The following MED13L variants were observed in gnomAD, a reference collection of about 807,000 sequenced individuals.
MED13L encodes mediator complex subunit 13L, also known as mediator of RNA polymerase II transcription subunit 13-like.
A neutral mutation model predicts 220.9 loss-of-function variants in MED13L; 7 were observed. The ratio of observed to expected loss-of-function variants is 0.03; its 90% CI spans 0.02 to 0.06. The LOEUF (loss-of-function observed/expected upper bound fraction) is 0.06. MED13L is among the 10% of genes least tolerant of loss of function. The pLI is 1.00. For missense variants in MED13L, 1,965 were observed against 2,760.5 expected (o/e 0.71, Z 6.46); for synonymous variants, 1,011 against 1,015.2 (o/e 1.00, Z 0.08).
rs567189858 is a variant in MED13L, at chr12:116,176,024, G to A, written c.310+61444C>T. Reference sequence around the variant, plus strand: ...AGTCTCGATCCCAGACAGGCAACCAGGGAAGCTATGGGAGTGGAAGAGACC... The same window carrying A: ...AGTCTCGATCCCAGACAGGCAACCAAGGAAGCTATGGGAGTGGAAGAGACC... On this transcript the variant is annotated intron_variant, in intron 2 of 30. Coordinates refer to ENST00000281928, the MANE Select transcript of MED13L (RefSeq NM_015335.5). Among the ~76,000 whole-genome samples the A allele has an allele frequency of 7.9e-4, 121 of 152,258 alleles. No homozygotes were observed. The South Asian group carries it at 0.015, about 19-fold the overall frequency.
chr12:116,122,575 A>G (rs762846738), intron 2 of MED13L, among the ~76,000 whole-genome samples: 2 of 152,222 alleles, frequency 1.3e-5, no homozygotes, highest in Non-Finnish European at 2.9e-5. Flanking sequence ...CATCAAACAA[A>G]TAAGAATCAT....
chr12:116,276,237 CAGAA>C (rs1193901990), intron 1 of MED13L, among the ~76,000 whole-genome samples: 52 of 150,668 alleles, frequency 3.5e-4, no homozygotes, highest in Admixed American at 3.4e-3. Flanking sequence ...TGTCAATTAT[CAGAA>C]AGAGAGAGCG....
intron 2 of MED13L, among the ~76,000 whole-genome samples, chr12:116,207,539 A>G (rs1253201341): frequency 6.6e-6 from 1 of 152,224 alleles, no homozygotes; most frequent in African/African-American, 2.4e-5. Context: ...TCAATAACAG[A>G]CAACAACAAA....
chr12:116,059,013 T>C (rs917320601), intron 4 of MED13L, among the ~76,000 whole-genome samples: 4 of 152,246 alleles, frequency 2.6e-5, no homozygotes, highest in Non-Finnish European at 4.4e-5. Flanking sequence ...CATTGATATG[T>C]AATAGATTTA....
chr12:116,138,843 T>G (rs1235230632), intron 2 of MED13L, among the ~76,000 whole-genome samples: 2 of 152,228 alleles, frequency 1.3e-5, no homozygotes, highest in Non-Finnish European at 2.9e-5. Context: ...AACTAAAATC[T>G]CTGACTTGGG....
chr12:116,233,998 T>C (rs79613837), intron 2 of MED13L, among the ~76,000 whole-genome samples: 3,079 of 152,340 alleles, frequency 0.02, 60 homozygotes, highest in Middle Eastern at 0.054. Flanking sequence ...TCTCATTTTA[T>C]GGGATACTTT....
chr12:116,255,039 C>T (rs976178569), intron 1 of MED13L, among the ~76,000 whole-genome samples: 24 of 152,158 alleles, frequency 1.6e-4, no homozygotes, highest in Middle Eastern at 3.4e-3. Flanking sequence ...TTAATTGACA[C>T]GCTGATCCTA....
chr12:115,995,860 G>C (rs1335080031), intron 16 of MED13L, among the ~76,000 whole-genome samples: 1 of 152,188 alleles, frequency 6.6e-6, no homozygotes, highest in Admixed American at 6.5e-5. Context: ...GTAAAAAACA[G>C]ATCGGTTGTA....
At position 116,031,674 on chromosome 12, in the gene MED13L, A is replaced by AG. The variant is rs1491193949; in HGVS notation, c.480-9074_480-9073insC. Among the ~76,000 whole-genome samples the AG allele has an allele frequency of 1.5e-4, 15 of 97,500 alleles. 2 individuals carry two copies. Among genetic ancestry groups the AG allele is most frequent in the Middle Eastern group, 5.1e-3 (1 of 198 alleles). 64.0% of individuals were successfully genotyped at this position (97,500 alleles called of 152,430 possible). Reference sequence around the variant, plus strand: ...GGGACGGGACGGGACGGGAGAAAAGAAAAAAGAAAAGAAAAGAAAAGAAAA... The same window carrying AG: ...GGGACGGGACGGGACGGGAGAAAAGAGAAAAAGAAAAGAAAAGAAAAGAAAA... On this transcript the variant is annotated intron_variant, in intron 4 of 30. Transcript: ENST00000281928.
rs970224720 is a variant in MED13L at position 116,220,211 on chromosome 12, C to T, written c.310+17257G>A. ...ATTATAAACTAATCTTTTCACAAAA[C>T]ATACCAAATAATCATGGGATCAATT... is the stretch of plus-strand genomic sequence containing the variant. On this transcript the variant is annotated intron_variant, in intron 2 of 30. Transcript: ENST00000281928. Among the ~76,000 whole-genome samples, 3 of 152,290 alleles carry T rather than the reference C, an allele frequency of 2.0e-5. No individual in the cohort carries two copies. The South Asian group carries it at 6.2e-4, about 32-fold the overall frequency.
At chr12:115,994,174 A>T (rs1487021400) in intron 16 of MED13L, among the ~76,000 whole-genome samples, 2 of 152,204 alleles carry the variant, frequency 1.3e-5, no homozygotes, top group African/African-American at 4.8e-5. Flanking sequence ...TGCCAGGTGC[A>T]GTAGCTCATG....
intron 3 of MED13L, among the ~76,000 whole-genome samples, chr12:116,108,394 G>A (rs537876110): frequency 1.4e-5 from 2 of 140,024 alleles, no homozygotes; most frequent in African/African-American, 5.2e-5. Context: ...AAAGAAAGGG[G>A]GGGGGGGCGC....
At chr12:115,988,544 T>G (rs1877852406) in intron 17 of MED13L, among the ~76,000 whole-genome samples, 1 of 152,206 alleles carries the variant, frequency 6.6e-6, no homozygotes, top group South Asian at 2.1e-4. Flanking sequence ...TATTAATGGC[T>G]CTATCAAAAG....
intron 2 of MED13L, among the ~76,000 whole-genome samples, chr12:116,233,414 G>A (rs1485174952): frequency 2.6e-5 from 4 of 151,792 alleles, no homozygotes; most frequent in Non-Finnish European, 5.9e-5. Flanking sequence ...TAATTATATC[G>A]CTTTCCTGAT....
rs1168657780 is a variant in MED13L, at chr12:116,179,691, T to TA, written c.310+57776_310+57777insT. 3.2e-4 allele frequency among the ~76,000 whole-genome samples: 4 copies of TA among 12,346 alleles called. No homozygotes were observed. In the African/African-American group the frequency reaches 0.011, roughly 34 times the overall value. 8.1% of individuals were successfully genotyped at this position (12,346 alleles called of 152,430 possible). On this transcript the variant is annotated intron_variant, in intron 2 of 30. Coordinates refer to ENST00000281928, the MANE Select transcript of MED13L (RefSeq NM_015335.5). ...TCAGATACCTGAGCAGTGAATAACCTTTTTTTTTTTAAAGGTTACAAGAGA... is the reference window on the plus strand; with the variant it reads ...TCAGATACCTGAGCAGTGAATAACCTATTTTTTTTTTAAAGGTTACAAGAGA...
At chr12:116,213,918 T>C (rs961502267) in intron 2 of MED13L, among the ~76,000 whole-genome samples, 4 of 152,200 alleles carry the variant, frequency 2.6e-5, no homozygotes, top group Admixed American at 2.0e-4. Context: ...CAGCCCAGAA[T>C]TTAAAGTTCG....
rs558222062 is a variant in MED13L at position 116,076,695 on chromosome 12, T to C, written c.479+19974A>G. 1.2e-3 allele frequency among the ~76,000 whole-genome samples: 181 copies of C among 152,314 alleles called. 2 individuals are homozygous for C. The highest frequency in any genetic ancestry group is 3.4e-3 in the Middle Eastern group (1 of 294). On this transcript the variant is annotated intron_variant, in intron 4 of 30. Transcript: ENST00000281928. ...ATTGTGACAAGTCTGAACTAAGCCC[T>C]CAAAAGAAGGCTTGTTTTTGAGGGT...
chr12:115,985,808 T>TTA (rs901215608), intron 19 of MED13L, among the ~76,000 whole-genome samples: 2 of 152,226 alleles, frequency 1.3e-5, no homozygotes, highest in African/African-American at 4.8e-5. Context: ...TTCATTAAAC[T>TTA]TATGTTTCAA....
chr12:116,177,149 C>G (rs764407409), intron 2 of MED13L, among the ~76,000 whole-genome samples: 2 of 152,088 alleles, frequency 1.3e-5, no homozygotes, highest in Admixed American at 1.3e-4. Flanking sequence ...CCCCCTCCCC[C>G]ACTCACCAAC....
Sources: gnomAD v4.1 joint callset for allele counts (sites outside exome capture counted in the v4.1 genomes callset) on GRCh38, gnomAD v4.1.1 for gene constraint, MANE v1.5 for transcripts, NCBI Gene and HGNC (gene_info 2026-07-23, HGNC 2026-07-21) for gene names.